DYNLT2: variants seen among roughly 807,000 people sequenced by gnomAD.
DYNLT2 encodes the protein dynein light chain Tctex-type protein 2.
In DYNLT2, 24 loss-of-function variants were observed where a neutral mutation model predicts 24.3. The ratio of observed to expected loss-of-function variants is 0.99; its 90% CI spans 0.71 to 1.39. The LOEUF (loss-of-function observed/expected upper bound fraction) is 1.39, where lower values mean the gene tolerates loss of function less well. Ranked by LOEUF, DYNLT2 falls within the 40% of genes most tolerant of loss-of-function variation. The pLI is 0.00. For missense variants in DYNLT2, 246 were observed against 234.5 expected (o/e 1.05, Z -0.32); for synonymous variants, 85 against 85.4 (o/e 1.00, Z 0.03).
the DYNLT2 span, among the ~76,000 whole-genome samples, chr6:169,726,704 T>G: frequency 1.3e-5 from 2 of 152,216 alleles, no homozygotes; most frequent in South Asian, 2.1e-4. Context: ...CTCATTTGTA[T>G]GATAACAATA....
chr6:169,734,416 G>A, the DYNLT2 span, among the ~76,000 whole-genome samples: 1 of 152,126 alleles, frequency 6.6e-6, no homozygotes, highest in Non-Finnish European at 1.5e-5. Flanking sequence ...TATTGGCTGT[G>A]GTTTTGTCAT....
At chr6:169,730,570 TG>T in the DYNLT2 span, among the ~76,000 whole-genome samples, 4 of 152,128 alleles carry the variant, frequency 2.6e-5, no homozygotes, top group Admixed American at 2.6e-4. Context: ...GAAGAGAGGT[TG>T]GGAATATAGA....
intron 3 of DYNLT2, among the ~76,000 whole-genome samples, chr6:169,740,804 G>A (rs145628859): frequency 2.3e-3 from 301 of 130,720 alleles, no homozygotes; most frequent in African/African-American, 9.7e-3. Flanking sequence ...ATCTAAAATG[G>A]CCCCAATTTT....
intron 1 of DYNLT2, among the ~76,000 whole-genome samples, chr6:169,748,805 AATGC>A (rs1789872470): frequency 3.3e-5 from 5 of 152,168 alleles, no homozygotes; most frequent in African/African-American, 9.7e-5. Flanking sequence ...AATAACCATT[AATGC>A]TTCTAATATG....
chr6:169,745,300 C>T (rs1227341032), intron 1 of DYNLT2, among the ~76,000 whole-genome samples: 2 of 152,072 alleles, frequency 1.3e-5, no homozygotes, highest in African/African-American at 4.8e-5. Flanking sequence ...GACGGGGTTT[C>T]ACCATGTTAG....
the DYNLT2 span, among the ~76,000 whole-genome samples, chr6:169,726,382 AC>A: frequency 3.9e-5 from 6 of 152,324 alleles, no homozygotes; most frequent in Admixed American, 2.6e-4. Flanking sequence ...GAATTTGAAA[AC>A]TGCTTTAAAG....
chr6:169,740,326 T>C, intron 3 of DYNLT2, 31 bp from the exon 4 acceptor site: 2 of 1,282,330 alleles, frequency 1.6e-6, no homozygotes, highest in Non-Finnish European at 2.3e-6. Flanking sequence ...AGACCAACTT[T>C]AGATTGAACA....
In DYNLT2 at chr6:169,740,114, T is replaced by A; in HGVS notation, c.*71A>T. ...ATAGCAAATCAGAAATATTATGAGG[T>A]TTACAAATATGTAAATTTCATTTAT... On this transcript the variant is annotated 3_prime_UTR_variant, in exon 4 of 4. Coordinates refer to ENST00000366774, the MANE Select transcript of DYNLT2 (RefSeq NM_174910.3). 2 of 1,002,680 alleles carry A rather than the reference T, an allele frequency of 2.0e-6. No homozygotes were observed. The highest frequency in any genetic ancestry group is 1.5e-5 in the South Asian group (1 of 68,840). The allele number at this position is 1,002,680 out of a possible 1,614,324, so 62.1% of individuals were successfully genotyped here.
At chr6:169,745,883 C>G (rs756535106) in intron 1 of DYNLT2, among the ~76,000 whole-genome samples, 11 of 152,092 alleles carry the variant, frequency 7.2e-5, no homozygotes, top group Non-Finnish European at 1.5e-4. Flanking sequence ...TAGAATTCAC[C>G]AAGGAAATCA....
chr6:169,727,565 TTTTTTTG>T, the DYNLT2 span, among the ~76,000 whole-genome samples: 15 of 136,454 alleles, frequency 1.1e-4, no homozygotes, highest in African/African-American at 4.1e-4. Flanking sequence ...TGTTTTTTTG[TTTTTTTG>T]TTTTTTTTTG....
chr6:169,739,976 C>T (rs942483575), downstream of DYNLT2: 5 of 500,796 alleles, frequency 1.0e-5, no homozygotes, highest in Admixed American at 7.1e-5. Flanking sequence ...TTTTATACTA[C>T]TTTGGCATAA....
At chr6:169,728,610 T>C in the DYNLT2 span, among the ~76,000 whole-genome samples, 1 of 152,356 alleles carries the variant, frequency 6.6e-6, no homozygotes, top group Non-Finnish European at 1.5e-5. Flanking sequence ...TAAGAACTTT[T>C]GTTGAAACAT....
At chr6:169,747,001 G>T (rs901456935) in intron 1 of DYNLT2, among the ~76,000 whole-genome samples, 22 of 149,004 alleles carry the variant, frequency 1.5e-4, no homozygotes, top group African/African-American at 5.4e-4. Context: ...TTTTCAGTTT[G>T]TTCAGCTTTT....
the DYNLT2 span, chr6:169,725,651 A>C: frequency 1.8e-4 from 38 of 214,754 alleles, no homozygotes; most frequent in South Asian, 1.7e-3. Flanking sequence ...TTTAAGAAAA[A>C]AAACAAAAAC....
At chr6:169,742,293 G>A (rs1789695708) in intron 3 of DYNLT2, among the ~76,000 whole-genome samples, 1 of 152,120 alleles carries the variant, frequency 6.6e-6, no homozygotes, top group Non-Finnish European at 1.5e-5. Context: ...CTGTGCCAAG[G>A]CCACAGCCAG....
chr6:169,725,649 A>G, the DYNLT2 span: 24 of 221,602 alleles, frequency 1.1e-4, no homozygotes, highest in Middle Eastern at 4.2e-3. Flanking sequence ...TTTTTAAGAA[A>G]AAAAACAAAA....
At chr6:169,744,395 T>C in intron 1 of DYNLT2, 121 bp from the exon 2 acceptor site, 3 of 813,964 alleles carry the variant, frequency 3.7e-6, no homozygotes, top group Non-Finnish European at 5.6e-6. Context: ...AGCTTGGAAA[T>C]TTGTTAAACA....
chr6:169,747,984 G>T (rs1233074570), intron 1 of DYNLT2, among the ~76,000 whole-genome samples: 3 of 152,178 alleles, frequency 2.0e-5, no homozygotes. Context: ...CCAGATCAGA[G>T]AACTTGTTCT....
chr6:169,748,013 G>A (rs546102701), intron 1 of DYNLT2, among the ~76,000 whole-genome samples: 66 of 152,258 alleles, frequency 4.3e-4, no homozygotes, highest in Admixed American at 1.8e-3. Flanking sequence ...TCCCACTACT[G>A]AGGCAATACA....
Sources: allele counts gnomAD v4.1 joint callset (sites outside exome capture counted in the v4.1 genomes callset), GRCh38; gene constraint gnomAD v4.1.1; transcripts MANE v1.5; gene names NCBI Gene and HGNC (gene_info 2026-07-23, HGNC 2026-07-21).